Variants in C6orf118 observed in about 807,000 individuals in gnomAD.
C6orf118 encodes uncharacterized protein C6orf118.
C6orf118 carries 50 observed loss-of-function variants against 50.2 expected under a neutral mutation model. That is an observed-to-expected ratio of 1.00 (90% CI 0.79 to 1.26). C6orf118 has a LOEUF of 1.26. C6orf118 is among the 50% of genes most tolerant of loss of function. The probability of loss-of-function intolerance (pLI) is 0.00; values close to 1 mark genes in which losing one functional copy is unlikely to be tolerated. For synonymous variants in C6orf118, 239 were observed against 230.9 expected, an observed-to-expected ratio of 1.03 and a Z score of -0.32; for missense variants, 641 against 578.7, an observed-to-expected ratio of 1.11 and a Z score of -1.10.
In C6orf118 at chr6:165,299,779, G is replaced by A. The variant is rs77367891; in HGVS notation, c.877-277C>T. Among the ~76,000 whole-genome samples the A allele has an allele frequency of 5.1e-3, 779 of 152,228 alleles. 5 individuals are homozygous for A. Among genetic ancestry groups the A allele is most frequent in the African/African-American group, 0.017 (717 of 41,542 alleles). On this transcript the variant is annotated intron_variant, in intron 3 of 8. Transcript: ENST00000230301. ...AATATTGAGGCAATCTCTGCCTCCC[G>A]GTTCAAGCGATTCTCCTGCCTCAGC...
chr6:165,305,895 C>T lies in C6orf118; in HGVS notation c.26-3599G>A, dbSNP rs1428820161. 1.3e-3 allele frequency among the ~76,000 whole-genome samples: 101 copies of T among 75,486 alleles called. 20 individuals carry two copies. The highest frequency in any genetic ancestry group is 0.011 in the African/African-American group (99 of 8,822). 49.5% of individuals were successfully genotyped at this position (75,486 alleles called of 152,430 possible). On this transcript the variant is annotated intron_variant, in intron 1 of 8. Transcript: ENST00000230301. ...TTGGTGGGACTGTAAACTAGTTCAA[C>T]CATTGTGGAAGTCAGTGTGGCGATT...
intron 6 of C6orf118, among the ~76,000 whole-genome samples, chr6:165,292,304 T>C (rs1780132148): frequency 6.6e-6 from 1 of 152,080 alleles, no homozygotes; most frequent in Non-Finnish European, 1.5e-5. Context: ...GCTCCTGAGA[T>C]AGAAAGCTTT....
At chr6:165,287,340 A>C (rs116239218) in intron 7 of C6orf118, among the ~76,000 whole-genome samples, 3,431 of 152,292 alleles carry the variant, frequency 0.023, 125 homozygotes, top group African/African-American at 0.078. Flanking sequence ...GTATCATGAA[A>C]ATGGCAATAC....
At chr6:165,289,412 C>T (rs1291898515) in intron 7 of C6orf118, among the ~76,000 whole-genome samples, 1 of 152,064 alleles carries the variant, frequency 6.6e-6, no homozygotes, top group Non-Finnish European at 1.5e-5. Flanking sequence ...GAGTTATATT[C>T]TACACAATTT....
intron 5 of C6orf118, among the ~76,000 whole-genome samples, chr6:165,297,556 T>C (rs1447944940): frequency 6.6e-6 from 1 of 152,194 alleles, no homozygotes; most frequent in Non-Finnish European, 1.5e-5. Context: ...CCTTTAATCT[T>C]TTTTCAAATC....
rs985071868 is a variant in C6orf118 at position 165,294,260 on chromosome 6, A to C, written c.1062-789T>G. On this transcript the variant is annotated intron_variant, in intron 5 of 8. Coordinates refer to ENST00000230301, the MANE Select transcript of C6orf118 (RefSeq NM_144980.4). ...GACTCCGTCTTTAAAAAAGCAAAAA[A>C]AAAAAAACAAAAAAAAAAAAAGTAA... Among the ~76,000 whole-genome samples, 425 of 133,734 alleles carry C rather than the reference A, an allele frequency of 3.2e-3. 14 individuals are homozygous for C. The highest frequency in any genetic ancestry group is 1.4e-3 in the African/African-American group (55 of 38,372). The allele number at this position is 133,734 out of a possible 152,430, so 87.7% of individuals were successfully genotyped here. A position where few individuals can be genotyped will look rare whatever the true frequency, so the allele number is the denominator to read the frequency against.
chr6:165,298,293 C>T lies in C6orf118; in HGVS notation c.937-192G>A, dbSNP rs531494209. On this transcript the variant is annotated intron_variant, in intron 4 of 8. Transcript: ENST00000230301. The stretch of plus-strand genomic sequence containing the variant: ...AGGGATGGCCCATCAGTGAAGTTCC[C>T]GGTAAAATACCTTTTTCAATATGTT... Among the ~76,000 whole-genome samples the T allele has an allele frequency of 2.6e-5, 4 of 152,220 alleles. No individual in the cohort carries two copies. In the East Asian group the frequency reaches 7.7e-4, roughly 29 times the overall value.
At chr6:165,297,117 G>A (rs1252967969) in intron 5 of C6orf118, among the ~76,000 whole-genome samples, 5 of 152,106 alleles carry the variant, frequency 3.3e-5, no homozygotes, top group African/African-American at 9.7e-5. Context: ...CCTTGTGAGA[G>A]AGACCTTAAG....
chr6:165,289,287 C>G (rs1334991686), intron 7 of C6orf118, among the ~76,000 whole-genome samples: 1 of 151,988 alleles, frequency 6.6e-6, no homozygotes, highest in Non-Finnish European at 1.5e-5. Flanking sequence ...TTTCTATATG[C>G]TCTATAATTC....
intron 4 of C6orf118, 26 bp downstream of exon 4, chr6:165,299,417 T>G: frequency 6.2e-7 from 1 of 1,610,680 alleles, no homozygotes; most frequent in Non-Finnish European, 8.5e-7. Context: ...CAGGCTCTAT[T>G]CAGGCTCTTT....
chr6:165,282,731 T>C (rs1215838063), intron 7 of C6orf118, among the ~76,000 whole-genome samples: 1 of 150,766 alleles, frequency 6.6e-6, no homozygotes, highest in Non-Finnish European at 1.5e-5. Context: ...ACAATGGCAA[T>C]TCTATTGTAT....
At chr6:165,290,095 T>A (rs1780057372) in intron 6 of C6orf118, 28 bp from the exon 7 acceptor site, 5 of 1,404,560 alleles carry the variant, frequency 3.6e-6, no homozygotes, top group Non-Finnish European at 4.9e-6. Context: ...AACAAAGTAT[T>A]ACCATGTTTA....
At chr6:165,309,508 A>T in intron 1 of C6orf118, 54 bp downstream of exon 1, 1 of 1,607,890 alleles carries the variant, frequency 6.2e-7, no homozygotes, top group South Asian at 1.1e-5. Context: ...TCCCTCCACA[A>T]TTGAACATCA....
At chr6:165,283,882 A>G in intron 7 of C6orf118, among the ~76,000 whole-genome samples, 1 of 152,224 alleles carries the variant, frequency 6.6e-6, no homozygotes, top group African/African-American at 2.4e-5. Flanking sequence ...AATTAATGCA[A>G]AATAACTGAA....
At chr6:165,302,536 C>A (rs1218261844) in intron 1 of C6orf118, among the ~76,000 whole-genome samples, 1 of 152,014 alleles carries the variant, frequency 6.6e-6, no homozygotes, top group Non-Finnish European at 1.5e-5. Flanking sequence ...AGCTCAGGAC[C>A]GTCAAAGCCA....
intron 8 of C6orf118, among the ~76,000 whole-genome samples, chr6:165,281,022 G>A (rs528418693): frequency 3.3e-5 from 5 of 152,268 alleles, no homozygotes; most frequent in African/African-American, 7.2e-5. Flanking sequence ...GTAACTGTGC[G>A]AAGTATAAGC....
chr6:165,298,760 A>G (rs1157121440), intron 4 of C6orf118, among the ~76,000 whole-genome samples: 1 of 152,212 alleles, frequency 6.6e-6, no homozygotes, highest in African/African-American at 2.4e-5. Flanking sequence ...CACAAAGAAA[A>G]TGGTACTCAC....
At chr6:165,286,974 A>C (rs1429898174) in intron 7 of C6orf118, among the ~76,000 whole-genome samples, 1 of 152,202 alleles carries the variant, frequency 6.6e-6, no homozygotes, top group African/African-American at 2.4e-5. Flanking sequence ...AAATAGGAAG[A>C]GAGGAAGTTG....
At chr6:165,297,660 A>G (rs553810523) in intron 5 of C6orf118, among the ~76,000 whole-genome samples, 2 of 152,258 alleles carry the variant, frequency 1.3e-5, no homozygotes, top group African/African-American at 4.8e-5. Context: ...AAAAAACAAT[A>G]GGGGCATTCA....
Sources: gnomAD v4.1 joint callset for allele counts (sites outside exome capture counted in the v4.1 genomes callset) on GRCh38, gnomAD v4.1.1 for gene constraint, MANE v1.5 for transcripts, NCBI Gene and HGNC (gene_info 2026-07-23, HGNC 2026-07-21) for gene names.